ABCG1: variants seen among roughly 807,000 people sequenced by gnomAD.
ABCG1 encodes the protein ATP binding cassette subfamily G member 1.
Under a neutral mutation model 69.2 loss-of-function variants are expected in ABCG1, and 29 were observed. The observed-to-expected ratio is 0.42, with a 90% CI of 0.31 to 0.57. The LOEUF is 0.57. Among genes scored for constraint, ABCG1 ranks in the 20% least tolerant of loss-of-function variants. The probability of loss-of-function intolerance (pLI) is 0.15; values close to 1 mark genes in which losing one functional copy is unlikely to be tolerated. For missense variants in ABCG1, 718 were observed against 898.1 expected, an observed-to-expected ratio of 0.80 and a Z score of 2.56; for synonymous variants, 370 against 374.8, an observed-to-expected ratio of 0.99 and a Z score of 0.15.
intron 11 of ABCG1, 119 bp downstream of exon 11, chr21:42,290,337 T>A: frequency 1.8e-6 from 2 of 1,134,202 alleles, no homozygotes; most frequent in Non-Finnish European, 2.5e-6. Context: ...TTTGTTTTTT[T>A]AAAATATCAT....
chr21:42,204,685 T>C (rs1601327312), intron 2 of ABCG1, among the ~76,000 whole-genome samples: 1 of 152,224 alleles, frequency 6.6e-6, no homozygotes, highest in Non-Finnish European at 1.5e-5. Context: ...TGAGGGCCAT[T>C]GGTCTGCAGT....
Position 42,219,200 on chromosome 21 carries a change from GC to G in ABCG1, c.-59del, listed in dbSNP as rs2067679539. 4.3e-6 allele frequency: 6 copies of G among 1,388,398 alleles called. No individual in the cohort carries two copies. In the African/African-American group the frequency reaches 9.3e-5, roughly 22 times the overall value. 86.0% of individuals were successfully genotyped at this position (1,388,398 alleles called of 1,614,324 possible). A position where few individuals can be genotyped will look rare whatever the true frequency, so the allele number is the denominator to read the frequency against. On this transcript the variant is annotated 5_prime_UTR_variant, in exon 1 of 15. Coordinates refer to ENST00000398449, the MANE Select transcript of ABCG1 (RefSeq NM_016818.3). The surrounding 1 kb of genome is among the most constrained non-coding windows in gnomAD (Gnocchi z 5.3). ...TGAGCCGGGAGCCAGCGCAGCCTCG[GC>G]CCCGCAGCTCAAGCCTCGTCCCCGC...
chr21:42,267,457 G>GTGTGGTCCGAGTTCTGTCTGGA (rs2068527009), intron 2 of ABCG1, among the ~76,000 whole-genome samples: 3 of 139,972 alleles, frequency 2.1e-5, no homozygotes, highest in Non-Finnish European at 4.8e-5. Flanking sequence ...TTCTGTCTGG[G>GTGTGGTCCGAGTTCTGTCTGGA]TCTGGTCTGG....
chr21:42,237,176 C>T (rs1235927325), intron 2 of ABCG1, among the ~76,000 whole-genome samples: 1 of 152,212 alleles, frequency 6.6e-6, no homozygotes, highest in African/African-American at 2.4e-5. Context: ...TTCCCAGGGG[C>T]GTTCTGTGCT....
intron 13 of ABCG1, among the ~76,000 whole-genome samples, chr21:42,293,118 T>A (rs1201962027): frequency 2.2e-5 from 1 of 46,358 alleles, no homozygotes; most frequent in Non-Finnish European, 4.1e-5. Context: ...CACCACACAC[T>A]ACACACACCA....
intron 2 of ABCG1, among the ~76,000 whole-genome samples, chr21:42,228,402 G>A (rs905368627): frequency 1.3e-5 from 2 of 152,152 alleles, no homozygotes; most frequent in African/African-American, 4.8e-5. Flanking sequence ...CCCAGCCACA[G>A]CAGCACCTGC....
In ABCG1 at chr21:42,291,933, G is replaced by A. The variant is rs751797442; in HGVS notation, c.1653+277G>A. Among the ~76,000 whole-genome samples, 14 of 152,274 alleles carry A rather than the reference G, an allele frequency of 9.2e-5. No individual in the cohort carries two copies. The highest frequency in any genetic ancestry group is 4.1e-4 in the South Asian group (2 of 4,826). On this transcript the variant is annotated intron_variant, in intron 13 of 14. Coordinates refer to ENST00000398449, the MANE Select transcript of ABCG1 (RefSeq NM_016818.3). The surrounding 1 kb of genome is among the most constrained non-coding windows in gnomAD (Gnocchi z 6.4). Reference sequence around the variant, plus strand: ...CTCCTGTAGCCCCAAGCACAGCCACGCTTAGGTGCTGTGCTGGCCCCATTT... The same window carrying A: ...CTCCTGTAGCCCCAAGCACAGCCACACTTAGGTGCTGTGCTGGCCCCATTT...
intron 2 of ABCG1, among the ~76,000 whole-genome samples, chr21:42,246,791 T>C (rs555628387): frequency 2.6e-5 from 4 of 152,328 alleles, no homozygotes; most frequent in African/African-American, 9.6e-5. Flanking sequence ...GTTTTTGAGA[T>C]GAAATTCTGG....
chr21:42,214,800 C>T (rs1475365350), upstream of ABCG1, among the ~76,000 whole-genome samples: 1 of 152,226 alleles, frequency 6.6e-6, no homozygotes, highest in Non-Finnish European at 1.5e-5. Flanking sequence ...CAGCCTTCTC[C>T]CCATTCTCCT....
At chr21:42,283,504 A>G (rs1214424695) in intron 6 of ABCG1, among the ~76,000 whole-genome samples, 1 of 152,204 alleles carries the variant, frequency 6.6e-6, no homozygotes, top group African/African-American at 2.4e-5. Flanking sequence ...CTGCTGGAGT[A>G]AAGCCCACCT....
At chr21:42,251,716 G>A (rs909284727) in intron 2 of ABCG1, among the ~76,000 whole-genome samples, 7 of 152,220 alleles carry the variant, frequency 4.6e-5, no homozygotes, top group African/African-American at 1.7e-4. Context: ...CCTAGGCACA[G>A]TCGGTCCTAG....
chr21:42,268,391 G>GCGCA (rs1247957149), intron 2 of ABCG1, among the ~76,000 whole-genome samples: 22 of 138,376 alleles, frequency 1.6e-4, no homozygotes, highest in African/African-American at 4.5e-4. Flanking sequence ...GTGTGTGTGC[G>GCGCA]CGCGCGCGCT....
At chr21:42,215,461 C>G (rs1569202641), upstream of ABCG1, among the ~76,000 whole-genome samples, 1 of 152,220 alleles carries the variant, frequency 6.6e-6, no homozygotes, top group Non-Finnish European at 1.5e-5. Context: ...ACCTAGACTT[C>G]CATTGACTCC....
At chr21:42,268,054 C>T (rs530738283) in intron 2 of ABCG1, among the ~76,000 whole-genome samples, 13 of 152,312 alleles carry the variant, frequency 8.5e-5, no homozygotes, top group African/African-American at 2.9e-4. Context: ...TGAACCTGGG[C>T]ATCCTGCACG....
intron 2 of ABCG1, among the ~76,000 whole-genome samples, chr21:42,240,622 G>A (rs1204673075): frequency 6.6e-6 from 1 of 152,138 alleles, no homozygotes; most frequent in Non-Finnish European, 1.5e-5. Context: ...TAATTTTTGT[G>A]TTTTTAGTAG....
At chr21:42,244,560 TC>T (rs2068104395) in intron 2 of ABCG1, among the ~76,000 whole-genome samples, 1 of 152,240 alleles carries the variant, frequency 6.6e-6, no homozygotes, top group Admixed American at 6.5e-5. Context: ...CAATTCCCAC[TC>T]TTTTTTTTGG....
chr21:42,296,139 C>T lies in ABCG1; in HGVS notation c.1773-25C>T. The T allele has an allele frequency of 6.3e-7, 1 of 1,597,516 alleles. No individual in the cohort carries two copies. The highest frequency in any genetic ancestry group is 8.6e-7 in the Non-Finnish European group (1 of 1,165,136). ...CGTGGCTGGCTGGGAGAACGTCCTCCCTCATGCCTGGCCTTTCCTCCTAGG... is the reference window on the plus strand; with the variant it reads ...CGTGGCTGGCTGGGAGAACGTCCTCTCTCATGCCTGGCCTTTCCTCCTAGG... On this transcript the variant is annotated intron_variant, in intron 14 of 14. Coordinates refer to ENST00000398449, the MANE Select transcript of ABCG1 (RefSeq NM_016818.3). The surrounding 1 kb of genome is among the most constrained non-coding windows in gnomAD (Gnocchi z 5.4).
rs543694034 is a variant in ABCG1 at position 42,296,230 on chromosome 21, C to T, written c.1839C>T (p.Ile613=). Residue 613 remains isoleucine, a synonymous_variant, in exon 15 of 15, where the codon ATC becomes ATT. Transcript: ENST00000398449. This position sits in a 1 kb window ranked among gnomAD's most constrained non-coding sequence, Gnocchi z 5.4. ...ACCGGGAAGATCTGCACTGTGACATCGACGAGACGTGCCACTTCCAGAAGT... is the reference window on the plus strand; with the variant it reads ...ACCGGGAAGATCTGCACTGTGACATTGACGAGACGTGCCACTTCCAGAAGT... ...GLDREDLHCD[I]DETCHFQKSE... 9 of 1,614,120 alleles carry T rather than the reference C, an allele frequency of 5.6e-6. No homozygotes were observed. Among genetic ancestry groups the T allele is most frequent in the South Asian group, 3.3e-5 (3 of 91,070 alleles).
intron 13 of ABCG1, among the ~76,000 whole-genome samples, chr21:42,293,669 C>T (rs62651390): frequency 0.43 from 58,085 of 136,226 alleles, 12,265 homozygotes; most frequent in Non-Finnish European, 0.5. Context: ...ACACTACACA[C>T]GCACCACACT....
Sources: gnomAD v4.1 joint callset for allele counts (sites outside exome capture counted in the v4.1 genomes callset) on GRCh38, gnomAD v4.1.1 for gene constraint, Gnocchi (gnomAD v3.1) non-coding constraint, MANE v1.5 for transcripts, NCBI Gene and HGNC (gene_info 2026-07-23, HGNC 2026-07-21) for gene names.